ERBB4: variants seen among roughly 807,000 people sequenced by gnomAD.
The protein encoded by ERBB4 is erb-b2 receptor tyrosine kinase 4, also known as receptor tyrosine-protein kinase erbB-4.
A neutral mutation model predicts 158.0 loss-of-function variants in ERBB4; 42 were observed. That is an observed-to-expected ratio of 0.27 (90% confidence interval 0.21 to 0.34). The LOEUF (loss-of-function observed/expected upper bound fraction) is 0.34, where lower values mean the gene tolerates loss of function less well. ERBB4 is among the 10% of genes least tolerant of loss of function. The pLI is 1.00. For synonymous variants in ERBB4, 583 were observed against 558.7 expected, an observed-to-expected ratio of 1.04 and a Z score of -0.61; for missense variants, 1,333 against 1,624.1, an observed-to-expected ratio of 0.82 and a Z score of 3.08.
chr2:211,571,155 G>T (rs1051147471), intron 19 of ERBB4, among the ~76,000 whole-genome samples: 1 of 145,946 alleles, frequency 6.9e-6, no homozygotes, highest in Non-Finnish European at 1.5e-5. Context: ...CAATTCTCCT[G>T]CCTCAGCCTC....
chr2:211,942,498 A>G (rs1266079685), intron 3 of ERBB4, among the ~76,000 whole-genome samples: 1 of 152,030 alleles, frequency 6.6e-6, no homozygotes, highest in East Asian at 1.9e-4. Context: ...CTGGGACCGC[A>G]GGCATGTGCC....
intron 3 of ERBB4, among the ~76,000 whole-genome samples, chr2:211,836,328 A>G (rs780617886): frequency 6.6e-6 from 1 of 152,112 alleles, no homozygotes; most frequent in Admixed American, 6.6e-5. Flanking sequence ...GTAAAAAGTC[A>G]CAGGCAGAGT....
chr2:211,524,469 T>A (rs927512933), intron 20 of ERBB4, among the ~76,000 whole-genome samples: 2 of 150,432 alleles, frequency 1.3e-5, no homozygotes, highest in African/African-American at 2.5e-5. Context: ...CAGGAGCCCA[T>A]GGAGTGGGTG....
chr2:212,062,396 ATTCTTTTTTTTT>A (rs2077802429), intron 2 of ERBB4, among the ~76,000 whole-genome samples: 2 of 96,522 alleles, frequency 2.1e-5, no homozygotes, highest in African/African-American at 7.8e-5. Context: ...TCACTTGTCA[ATTCTTTTTTTTT>A]TTTTTTTTTT....
chr2:212,378,036 T>C (rs903366161), intron 1 of ERBB4, among the ~76,000 whole-genome samples: 9 of 151,812 alleles, frequency 5.9e-5, no homozygotes, highest in African/African-American at 1.9e-4. Context: ...GGATCATCAA[T>C]ATCACTGTTT....
At chr2:212,374,598 G>A (rs1019140187) in intron 1 of ERBB4, among the ~76,000 whole-genome samples, 48 of 151,602 alleles carry the variant, frequency 3.2e-4, no homozygotes, top group Admixed American at 2.7e-3. Flanking sequence ...CAGTCTAACT[G>A]AAAATATTAC....
In ERBB4 at chr2:211,376,807, T is replaced by C. The variant is rs2062481355; in HGVS notation, c.*6808A>G. ...CTTGTAATGGTGCTCAAGAAAGAGA[T>C]GAACTAGTCATACACCATGGGAAAA... is the stretch of plus-strand genomic sequence containing the variant. On this transcript the variant is annotated 3_prime_UTR_variant, in exon 28 of 28. Transcript: ENST00000342788. The C allele has an allele frequency of 4.3e-6, 1 of 232,988 alleles. No homozygotes were observed. 14.4% of individuals were successfully genotyped at this position (232,988 alleles called of 1,614,324 possible). A position where few individuals can be genotyped will look rare whatever the true frequency, so the allele number is the denominator to read the frequency against.
chr2:212,077,522 A>C (rs2078309345), intron 2 of ERBB4, among the ~76,000 whole-genome samples: 1 of 152,060 alleles, frequency 6.6e-6, no homozygotes, highest in South Asian at 2.1e-4. Context: ...AGTTTTGAGC[A>C]AAAGAAGGAA....
intron 19 of ERBB4, among the ~76,000 whole-genome samples, chr2:211,607,740 A>G (rs2069038247): frequency 6.6e-6 from 1 of 152,186 alleles, no homozygotes; most frequent in Non-Finnish European, 1.5e-5. Context: ...TATATGTAGT[A>G]TACATAGAAT....
chr2:211,442,671 GTATA>G (rs1289289986), intron 20 of ERBB4, among the ~76,000 whole-genome samples: 1 of 151,326 alleles, frequency 6.6e-6, no homozygotes, highest in South Asian at 2.1e-4. Flanking sequence ...ATGTATGTAT[GTATA>G]TACCTGTATA....
At chr2:211,651,861 G>A (rs1201206546) in intron 16 of ERBB4, among the ~76,000 whole-genome samples, 1 of 152,166 alleles carries the variant, frequency 6.6e-6, no homozygotes, top group Non-Finnish European at 1.5e-5. Context: ...ACACAGGTCA[G>A]ACAGCACCTT....
At chr2:211,852,589 A>T (rs1197577055) in intron 3 of ERBB4, among the ~76,000 whole-genome samples, 1 of 151,750 alleles carries the variant, frequency 6.6e-6, no homozygotes, top group Non-Finnish European at 1.5e-5. Flanking sequence ...TGATGAGAAC[A>T]AAAACTACAC....
At chr2:212,348,617 G>A (rs2089120376) in intron 1 of ERBB4, among the ~76,000 whole-genome samples, 1 of 151,970 alleles carries the variant, frequency 6.6e-6, no homozygotes, top group South Asian at 2.1e-4. Context: ...TGTAAAAATA[G>A]AAGAAAGTAA....
intron 20 of ERBB4, among the ~76,000 whole-genome samples, chr2:211,517,068 A>T (rs1458758471): frequency 6.6e-6 from 1 of 152,128 alleles, no homozygotes; most frequent in Non-Finnish European, 1.5e-5. Flanking sequence ...AGCAAATTAC[A>T]ATTTCTCCAC....
At chr2:211,808,209 T>C (rs2076664293) in intron 3 of ERBB4, among the ~76,000 whole-genome samples, 1 of 152,224 alleles carries the variant, frequency 6.6e-6, no homozygotes, top group African/African-American at 2.4e-5. Flanking sequence ...CCCATGCCTA[T>C]GTCCTGAATG....
intron 9 of ERBB4, among the ~76,000 whole-genome samples, chr2:211,706,610 A>AAC (rs1428861805): frequency 8.3e-4 from 126 of 152,074 alleles, no homozygotes; most frequent in African/African-American, 3.0e-3. Context: ...ACAAAAAAAA[A>AAC]AAAAACAAAA....
At chr2:212,240,312 G>C (rs1459008143) in intron 1 of ERBB4, among the ~76,000 whole-genome samples, 1 of 151,958 alleles carries the variant, frequency 6.6e-6, no homozygotes, top group Non-Finnish European at 1.5e-5. Flanking sequence ...TATTGGAGAG[G>C]TGCCCTTCCT....
intron 2 of ERBB4, among the ~76,000 whole-genome samples, chr2:212,096,765 G>T (rs2078944634): frequency 6.6e-6 from 1 of 152,178 alleles, no homozygotes; most frequent in Admixed American, 6.5e-5. Flanking sequence ...AGCAGGATAA[G>T]AAAATGTGGG....
At chr2:211,788,922 T>C (rs1421322350) in intron 3 of ERBB4, among the ~76,000 whole-genome samples, 1 of 152,176 alleles carries the variant, frequency 6.6e-6, no homozygotes, top group Non-Finnish European at 1.5e-5. Flanking sequence ...GAAGTAAGGA[T>C]ACGGCTGTGG....
Sources: allele counts gnomAD v4.1 joint callset (sites outside exome capture counted in the v4.1 genomes callset), GRCh38; gene constraint gnomAD v4.1.1; transcripts MANE v1.5; gene names NCBI Gene and HGNC (gene_info 2026-07-23, HGNC 2026-07-21).